Variants in FARP2 observed in about 807,000 individuals in gnomAD.
FARP2 encodes FERM, ARHGEF and pleckstrin domain-containing protein 2.
In FARP2, 111 loss-of-function variants were observed where a neutral mutation model predicts 130.5. That is an observed-to-expected ratio of 0.85 (90% CI 0.73 to 1.00). The LOEUF is 1.00. FARP2 is among the 50% of genes least tolerant of loss of function. The probability of loss-of-function intolerance (pLI) is 0.00; values close to 1 mark genes in which losing one functional copy is unlikely to be tolerated. For missense variants in FARP2, 1,385 were observed against 1,346.3 expected (o/e 1.03, Z -0.45); for synonymous variants, 504 against 516.9 (o/e 0.98, Z 0.34).
chr2:241,457,132 C>G (rs1440205298), intron 14 of FARP2, among the ~76,000 whole-genome samples: 1 of 152,228 alleles, frequency 6.6e-6, no homozygotes, highest in Non-Finnish European at 1.5e-5. Context: ...ATCTCTGGGA[C>G]TCCAGGTTCC....
At chr2:241,464,310 G>A (rs2064110057) in intron 17 of FARP2, among the ~76,000 whole-genome samples, 1 of 151,320 alleles carries the variant, frequency 6.6e-6, no homozygotes, top group Admixed American at 6.6e-5. Context: ...TCAAAACAGG[G>A]TCCCCTCAGA....
intron 7 of FARP2, among the ~76,000 whole-genome samples, chr2:241,414,397 G>A (rs897882048): frequency 1.1e-4 from 16 of 152,166 alleles, no homozygotes; most frequent in African/African-American, 3.6e-4. Context: ...CCTTGCCTTT[G>A]TGACACATCC....
intron 18 of FARP2, among the ~76,000 whole-genome samples, chr2:241,472,107 A>G (rs371233901): frequency 1.3e-4 from 7 of 54,142 alleles, no homozygotes; most frequent in Admixed American, 3.0e-4. Flanking sequence ...TTCTGTGGAG[A>G]CCCTATTCTG....
chr2:241,402,646 C>G (rs569803895), intron 2 of FARP2, among the ~76,000 whole-genome samples: 1 of 150,938 alleles, frequency 6.6e-6, no homozygotes, highest in Admixed American at 6.6e-5. Context: ...GAGTAATGTA[C>G]AATAAAACTC....
Position 241,441,761 on chromosome 2 carries a change from C to T in FARP2, c.1411+205C>T. The stretch of plus-strand genomic sequence containing the variant: ...TGTGACCGGCAGTGTCGTGGGGGGG[C>T]CCCTGCTTTCACATTGACAAATGCC... On this transcript the variant is annotated intron_variant, in intron 13 of 26. Transcript: ENST00000264042. The T allele has an allele frequency of 4.2e-6, 3 of 716,292 alleles. No homozygotes were observed. In the South Asian group the frequency reaches 5.5e-5, roughly 13 times the overall value. The allele number at this position is 716,292 out of a possible 1,614,324, so 44.4% of individuals were successfully genotyped here.
rs1387618490 is a variant in FARP2 at position 241,413,416 on chromosome 2, G to A, written c.618G>A (p.Lys206=). The change falls in exon 7 of 27, where the codon AAG becomes AAA. Residue 206 remains lysine, a synonymous_variant. Coordinates refer to ENST00000264042, the MANE Select transcript of FARP2 (RefSeq NM_014808.4). The stretch of plus-strand genomic sequence containing the variant: ...AGAAGATACTAGAATTCCATCAGAA[G>A]CACGTGTAAGTCATCACAATTGTCT... ...CLEKILEFHQ[K]HVGQTPAESD... 3.8e-6 allele frequency: 6 copies of A among 1,596,966 alleles called. No individual in the cohort carries two copies. In the East Asian group the frequency reaches 8.9e-5, roughly 24 times the overall value.
chr2:241,373,104 A>G lies in FARP2; in HGVS notation c.-4A>G. 1.5e-6 allele frequency: 2 copies of G among 1,305,700 alleles called. No individual in the cohort carries two copies. Among genetic ancestry groups the G allele is most frequent in the South Asian group, 2.1e-5 (1 of 48,126 alleles). 80.9% of individuals were successfully genotyped at this position (1,305,700 alleles called of 1,614,324 possible). The stretch of plus-strand genomic sequence containing the variant: ...TTTAGTGTTTTCTTCACTCATGGTG[A>G]AGAATGGGGGAGATAGAAGGAACAT... On this transcript the variant is annotated 5_prime_UTR_variant, in exon 2 of 27. Transcript: ENST00000264042.
chr2:241,449,522 T>C (rs2063596630), intron 13 of FARP2, among the ~76,000 whole-genome samples: 1 of 152,188 alleles, frequency 6.6e-6, no homozygotes, highest in East Asian at 1.9e-4. Flanking sequence ...TAACTTTACC[T>C]TTTTCTCTAA....
At chr2:241,408,150 AC>A (rs1315967680) in intron 5 of FARP2, among the ~76,000 whole-genome samples, 2 of 152,182 alleles carry the variant, frequency 1.3e-5, no homozygotes, top group Non-Finnish European at 2.9e-5. Flanking sequence ...CGGGCAGATC[AC>A]GAGGTCAGGA....
In FARP2 at chr2:241,407,563, G is replaced by T. The variant is rs2062395338; in HGVS notation, c.358G>T (p.Ala120Ser). 6.2e-7 allele frequency: 1 copy of T among 1,614,090 alleles called. No individual in the cohort carries two copies. Among genetic ancestry groups the T allele is most frequent in the East Asian group, 2.2e-5 (1 of 44,882 alleles). Reference sequence around the variant, plus strand: ...GCCAAAGAATGTGGTGCTTCGCCTAGCTGTAAAATTTTTTCCACCTGATCC... The same window carrying T: ...GCCAAAGAATGTGGTGCTTCGCCTATCTGTAAAATTTTTTCCACCTGATCC... ...RRPKNVVLRL[A>S]VKFFPPDPGQ... Residue 120 changes from alanine (A) to serine (S), a missense_variant, in exon 5 of 27, where the codon GCT becomes TCT. Coordinates refer to ENST00000264042, the MANE Select transcript of FARP2 (RefSeq NM_014808.4).
In FARP2 at chr2:241,491,086, A is replaced by G. The variant is rs150786024; in HGVS notation, c.2530A>G (p.Met844Val). ...ASTRLEKEKW[M>V]LDLNSAIQAA... Reference sequence around the variant, plus strand: ...CACTCGGCTGGAGAAAGAGAAGTGGATGCTGGACCTGAACTCCGCGATCCA... The same window carrying G: ...CACTCGGCTGGAGAAAGAGAAGTGGGTGCTGGACCTGAACTCCGCGATCCA... The change falls in exon 23 of 27, where the codon ATG (methionine) becomes GTG (valine). Residue 844 changes from methionine (M) to valine (V), a missense_variant. Met to Val is a conservative substitution (Grantham distance 21). Transcript: ENST00000264042. The G allele has an allele frequency of 1.2e-6, 2 of 1,613,412 alleles. No individual in the cohort carries two copies. Among genetic ancestry groups the G allele is most frequent in the East Asian group, 2.2e-5 (1 of 44,860 alleles).
At chr2:241,413,457 C>T (rs1559746747) in intron 7 of FARP2, 36 bp downstream of exon 7, 1 of 1,344,430 alleles carries the variant, frequency 7.4e-7, no homozygotes, top group Non-Finnish European at 1.1e-6. Flanking sequence ...CACATTGTCA[C>T]CACAGTAATG....
At chr2:241,425,133 G>T (rs2150384384) in intron 8 of FARP2, among the ~76,000 whole-genome samples, 1 of 152,224 alleles carries the variant, frequency 6.6e-6, no homozygotes, top group East Asian at 1.9e-4. Context: ...CTTGAGCCTG[G>T]GAGGCGGAGG....
intron 8 of FARP2, among the ~76,000 whole-genome samples, chr2:241,430,084 T>A (rs1328658101): frequency 6.6e-6 from 1 of 152,224 alleles, no homozygotes; most frequent in African/African-American, 2.4e-5. Flanking sequence ...TCTCTCCATT[T>A]ATTTAGTTTA....
chr2:241,412,723 G>A (rs749678129), intron 6 of FARP2, among the ~76,000 whole-genome samples: 3 of 152,144 alleles, frequency 2.0e-5, no homozygotes, highest in African/African-American at 7.2e-5. Flanking sequence ...TAGGTTTAAG[G>A]TGTAGTTTAA....
At chr2:241,484,788 G>A (rs2064711192) in intron 21 of FARP2, among the ~76,000 whole-genome samples, 1 of 152,202 alleles carries the variant, frequency 6.6e-6, no homozygotes, top group Non-Finnish European at 1.5e-5. Context: ...TGTCCTTTGT[G>A]GTTAGTGCTT....
rs1374209647 is a variant in FARP2, at chr2:241,463,985, G to C, written c.1893+5G>C. Reference sequence around the variant, plus strand: ...AGGAACATGCGCCAGTTAAAGGTAGGCTGCATGGTGACTACTGCCTACATG... The same window carrying C: ...AGGAACATGCGCCAGTTAAAGGTAGCCTGCATGGTGACTACTGCCTACATG... On this transcript the variant is annotated splice_donor_5th_base_variant and intron_variant, in intron 17 of 26. Coordinates refer to ENST00000264042, the MANE Select transcript of FARP2 (RefSeq NM_014808.4). The C allele has an allele frequency of 1.2e-6, 2 of 1,611,810 alleles. No homozygotes were observed. Among genetic ancestry groups the C allele is most frequent in the Admixed American group, 1.7e-5 (1 of 59,928 alleles).
intron 2 of FARP2, among the ~76,000 whole-genome samples, chr2:241,394,212 T>G (rs1304658794): frequency 1.3e-5 from 2 of 152,058 alleles, no homozygotes; most frequent in East Asian, 3.9e-4. Context: ...TCGAGAAGAT[T>G]TGAAAGGATA....
At chr2:241,421,748 T>C (rs752342424) in intron 8 of FARP2, among the ~76,000 whole-genome samples, 40 of 152,326 alleles carry the variant, frequency 2.6e-4, no homozygotes, top group Non-Finnish European at 4.9e-4. Context: ...GAAAGCTGCC[T>C]GCTATCTTTT....
Sources: gnomAD v4.1 joint callset for allele counts (sites outside exome capture counted in the v4.1 genomes callset) on GRCh38, gnomAD v4.1.1 for gene constraint, MANE v1.5 for transcripts, NCBI Gene and HGNC (gene_info 2026-07-23, HGNC 2026-07-21) for gene names.